The following NFIA variants were observed in gnomAD, a reference collection of about 807,000 sequenced individuals.
NFIA encodes the protein nuclear factor I A, also known as nuclear factor 1 A-type.
NFIA carries 8 observed loss-of-function variants against 62.8 expected under a neutral mutation model. The ratio of observed to expected loss-of-function variants is 0.13; its 90% CI spans 0.07 to 0.23. The LOEUF is 0.23. Among genes scored for constraint, NFIA ranks in the 10% least tolerant of loss-of-function variants. The pLI, the probability that NFIA is intolerant of heterozygous loss-of-function variation, is 1.00. For missense variants in NFIA, 410 were observed against 642.1 expected (o/e 0.64, Z 3.91); for synonymous variants, 235 against 238.1 (o/e 0.99, Z 0.12).
At chr1:61,214,992 G>T (rs1439909532) in intron 2 of NFIA, among the ~76,000 whole-genome samples, 1 of 151,964 alleles carries the variant, frequency 6.6e-6, no homozygotes, top group African/African-American at 2.4e-5. Context: ...CTAATGCCAG[G>T]TAGTACTATG....
intron 2 of NFIA, among the ~76,000 whole-genome samples, chr1:61,150,186 G>C (rs1030192901): frequency 1.3e-5 from 2 of 152,184 alleles, no homozygotes; most frequent in Non-Finnish European, 2.9e-5. Context: ...TTATTCTCGC[G>C]GGGCCAGGCT....
intron 2 of NFIA, among the ~76,000 whole-genome samples, chr1:61,226,806 AT>A (rs1654363708): frequency 6.6e-6 from 1 of 152,192 alleles, no homozygotes; most frequent in Non-Finnish European, 1.5e-5. Flanking sequence ...TCTAAGCCAT[AT>A]GTATTGGGCA....
At chr1:61,186,327 A>G (rs1651178226) in intron 2 of NFIA, among the ~76,000 whole-genome samples, 1 of 152,168 alleles carries the variant, frequency 6.6e-6, no homozygotes, top group Non-Finnish European at 1.5e-5. Flanking sequence ...TCTACATCAT[A>G]GGATTATTGT....
chr1:61,399,684 A>C (rs777286091), intron 7 of NFIA, among the ~76,000 whole-genome samples: 4 of 152,162 alleles, frequency 2.6e-5, no homozygotes, highest in Non-Finnish European at 4.4e-5. Context: ...TTCTTCCCTA[A>C]GACTTATAAA....
chr1:61,435,125 A>C (rs556301226), intron 10 of NFIA, among the ~76,000 whole-genome samples: 2 of 152,180 alleles, frequency 1.3e-5, no homozygotes, highest in Admixed American at 1.3e-4. Context: ...ATTCCAGGGT[A>C]CTAAGGGAAA....
At chr1:61,215,263 A>G (rs1482198576) in intron 2 of NFIA, among the ~76,000 whole-genome samples, 1 of 152,198 alleles carries the variant, frequency 6.6e-6, no homozygotes, top group Non-Finnish European at 1.5e-5. Flanking sequence ...TTACAAGAAT[A>G]TTTTTGTTGT....
At chr1:61,079,417 C>G (rs1646069340), upstream of NFIA, among the ~76,000 whole-genome samples, 1 of 152,120 alleles carries the variant, frequency 6.6e-6, no homozygotes, top group South Asian at 2.1e-4. Flanking sequence ...ATTTATATAT[C>G]TAAGAGGATT....
At chr1:61,438,515 C>G (rs991326034) in intron 10 of NFIA, among the ~76,000 whole-genome samples, 5 of 152,144 alleles carry the variant, frequency 3.3e-5, no homozygotes, top group Non-Finnish European at 4.4e-5. Context: ...CGCATCCTCC[C>G]GTGTCCATTT....
At chr1:61,331,819 A>T (rs1343943663) in intron 3 of NFIA, among the ~76,000 whole-genome samples, 1 of 152,156 alleles carries the variant, frequency 6.6e-6, no homozygotes, top group East Asian at 1.9e-4. Context: ...AAAGGGAATT[A>T]ATTGCATCCA....
At chr1:61,093,585 C>G (rs1646360025) in intron 2 of NFIA, among the ~76,000 whole-genome samples, 1 of 152,044 alleles carries the variant, frequency 6.6e-6, no homozygotes, top group Non-Finnish European at 1.5e-5. Context: ...ATTTTACATC[C>G]TTGAGTGTTT....
chr1:61,138,764 T>C (rs80229454), intron 2 of NFIA, among the ~76,000 whole-genome samples: 9,638 of 151,760 alleles, frequency 0.064, 772 homozygotes, highest in East Asian at 0.36. Context: ...GTATCTTTAG[T>C]AGAGACATGG....
intron 4 of NFIA, among the ~76,000 whole-genome samples, chr1:61,349,740 A>G (rs545378952): frequency 1.3e-5 from 2 of 152,116 alleles, no homozygotes; most frequent in African/African-American, 4.8e-5. Context: ...ACACCTAGCT[A>G]ATTTAATTTT....
chr1:61,312,341 A>G (rs945673117), intron 3 of NFIA, among the ~76,000 whole-genome samples: 1 of 152,194 alleles, frequency 6.6e-6, no homozygotes, highest in African/African-American at 2.4e-5. Flanking sequence ...CCCTCAGGTA[A>G]AAACACAGAT....
chr1:61,438,760 T>A (rs1431031047), intron 10 of NFIA, among the ~76,000 whole-genome samples: 1 of 151,868 alleles, frequency 6.6e-6, no homozygotes, highest in Non-Finnish European at 1.5e-5. Flanking sequence ...GAAAAAAAAA[T>A]CCCAGTGCAA....
intron 6 of NFIA, among the ~76,000 whole-genome samples, chr1:61,360,426 T>G (rs7526670): frequency 0.83 from 125,803 of 152,166 alleles, 52,114 homozygotes; most frequent in East Asian, 0.95. Flanking sequence ...TCTCTGAGCC[T>G]GTGTCTCCCT....
intron 4 of NFIA, among the ~76,000 whole-genome samples, chr1:61,342,689 C>T (rs2100413174): frequency 1.3e-5 from 2 of 152,296 alleles, no homozygotes; most frequent in Middle Eastern, 6.8e-3. Flanking sequence ...AGTTTTGCCA[C>T]ATAAGTGTAG....
In NFIA at chr1:61,277,530, A is replaced by G. The variant is rs759024271; in HGVS notation, c.570A>G (p.Gln190=). ...AYFVHAADSS[Q]SESPSQPSDA... The stretch of plus-strand genomic sequence containing the variant: ...TTTTATGTTTTTCAGATTCAAGTCA[A>G]TCTGAAAGTCCCAGCCAGCCAAGTG... The change falls in exon 3 of 11, where the codon CAA becomes CAG. Residue 190 remains glutamine, a synonymous_variant. Transcript: ENST00000403491. 55 of 1,613,606 alleles carry G rather than the reference A, an allele frequency of 3.4e-5. 1 individual carries two copies. The Admixed American group carries it at 7.2e-4, about 21-fold the overall frequency.
intron 4 of NFIA, among the ~76,000 whole-genome samples, chr1:61,334,661 T>G (rs1234658479): frequency 1.4e-5 from 2 of 147,534 alleles, no homozygotes; most frequent in Non-Finnish European, 3.0e-5. Context: ...ATACATTCAT[T>G]GAGCCCTCAC....
At chr1:61,419,303 A>C (rs1436809714) in intron 9 of NFIA, among the ~76,000 whole-genome samples, 2 of 152,162 alleles carry the variant, frequency 1.3e-5, no homozygotes, top group East Asian at 3.9e-4. Context: ...TAAAAAAATT[A>C]GCTGGGCACC....
Sources: gnomAD v4.1 joint callset for allele counts (sites outside exome capture counted in the v4.1 genomes callset) on GRCh38, gnomAD v4.1.1 for gene constraint, MANE v1.5 for transcripts, NCBI Gene and HGNC (gene_info 2026-07-23, HGNC 2026-07-21) for gene names.